The following ARHGEF1 variants were observed in gnomAD, a reference collection of about 807,000 sequenced individuals.
ARHGEF1 encodes the protein Rho guanine nucleotide exchange factor 1, also known as 115 kDa guanine nucleotide exchange factor.
A neutral mutation model predicts 119.7 loss-of-function variants in ARHGEF1; 40 were observed. The ratio of observed to expected loss-of-function variants is 0.33; its 90% CI spans 0.26 to 0.44. The LOEUF (loss-of-function observed/expected upper bound fraction) is 0.44. ARHGEF1 is among the 20% of genes least tolerant of loss of function. The pLI is 1.00. For missense variants in ARHGEF1, 976 were observed against 1,268.3 expected (o/e 0.77, Z 3.50); for synonymous variants, 494 against 521.0 (o/e 0.95, Z 0.71).
At position 41,906,101 on chromosome 19, in the gene ARHGEF1, A is replaced by AC. The variant is rs1364978065; in HGVS notation, c.2491+77dup. Reference sequence around the variant, plus strand: ...TGTTCCAACTAGAACAAGGCTCTCCACGTCAAAAATTTCCTTACGCCCAGC... The same window carrying AC: ...TGTTCCAACTAGAACAAGGCTCTCCACCGTCAAAAATTTCCTTACGCCCAGC... On this transcript the variant is annotated intron_variant, in intron 26 of 28. Transcript: ENST00000354532. This position sits in a 1 kb window ranked among gnomAD's most constrained non-coding sequence, Gnocchi z 4.5. 20 of 1,419,116 alleles carry AC rather than the reference A, an allele frequency of 1.4e-5. No homozygotes were observed. Among genetic ancestry groups the AC allele is most frequent in the Non-Finnish European group, 2.0e-5 (20 of 1,016,910 alleles). The allele number at this position is 1,419,116 out of a possible 1,614,324, so 87.9% of individuals were successfully genotyped here.
chr19:41,926,226 C>T (rs1425850881), intron 1 of ARHGEF1, among the ~76,000 whole-genome samples: 7 of 151,268 alleles, frequency 4.6e-5, no homozygotes, highest in South Asian at 2.1e-4. Flanking sequence ...GTATGCTCCC[C>T]GAGAGACCAG....
chr19:41,920,713 GCA>G (rs2074837068), upstream of ARHGEF1, among the ~76,000 whole-genome samples: 2 of 152,164 alleles, frequency 1.3e-5, no homozygotes, highest in African/African-American at 2.4e-5. Context: ...GTGCACATGC[GCA>G]CACACACACT....
At chr19:41,914,969 C>CCTCCTCTTCCACTATCTCTGTCTCTGTCT (rs1568832608) in intron 18 of ARHGEF1, among the ~76,000 whole-genome samples, 1 of 78,326 alleles carries the variant, frequency 1.3e-5, no homozygotes, top group Non-Finnish European at 2.2e-5. Context: ...TCTGTCTCTC[C>CCTCCTCTTCCACTATCTCTGTCTCTGTCT]CTCCCTCCCC....
Position 41,898,543 on chromosome 19 carries a change from A to G in ARHGEF1, c.1223A>G (p.His408Arg). The change falls in exon 14 of 29, where the codon CAC becomes CGC. Residue 408 changes from histidine (H) to arginine (R), a missense_variant. Physicochemically the swap from His to Arg is conservative, Grantham distance 29 (BLOSUM62 0). Coordinates refer to ENST00000354532, the MANE Select transcript of ARHGEF1 (RefSeq NM_004706.4). ...GAACTCGTCCCCCCAGACACCCTGC[A>G]CAGCCTGCCCAAGAGCCAGGTGAAG... is the stretch of plus-strand genomic sequence containing the variant. ...WRELVPPDTL[H>R]SLPKSQVKRQ... is the part of the protein sequence containing the mutation. 6.4e-7 allele frequency: 1 copy of G among 1,574,390 alleles called. No individual in the cohort carries two copies. Among genetic ancestry groups the G allele is most frequent in the Non-Finnish European group, 8.6e-7 (1 of 1,160,378 alleles).
At chr19:41,909,666 C>T (rs2074741472), downstream of ARHGEF1, among the ~76,000 whole-genome samples, 1 of 152,118 alleles carries the variant, frequency 6.6e-6, no homozygotes, top group African/African-American at 2.4e-5. This position sits in a 1 kb window ranked among gnomAD's most constrained non-coding sequence, Gnocchi z 5.2. Context: ...CCCTGCCCTG[C>T]AAGACTCCAA....
In ARHGEF1 at chr19:41,905,750, C is replaced by T; in HGVS notation, c.2337-10C>T. On this transcript the variant is annotated splice_polypyrimidine_tract_variant and intron_variant, in intron 24 of 28. Coordinates refer to ENST00000354532, the MANE Select transcript of ARHGEF1 (RefSeq NM_004706.4). The surrounding 1 kb of genome is among the most constrained non-coding windows in gnomAD (Gnocchi z 6.4). ...GGGGTGTGGGGTCACCCAGCACTTCCTCCCCTCAGCACCCGAGAACCCCTC... is the reference window on the plus strand; with the variant it reads ...GGGGTGTGGGGTCACCCAGCACTTCTTCCCCTCAGCACCCGAGAACCCCTC... 1.2e-6 allele frequency: 2 copies of T among 1,613,916 alleles called. No individual in the cohort carries two copies. Among genetic ancestry groups the T allele is most frequent in the South Asian group, 2.2e-5 (2 of 91,082 alleles).
rs2074388037 is a variant in ARHGEF1 at position 41,892,228 on chromosome 19, C to T, written c.325-103C>T. On this transcript the variant is annotated intron_variant, in intron 5 of 28. Coordinates refer to ENST00000354532, the MANE Select transcript of ARHGEF1 (RefSeq NM_004706.4). The surrounding 1 kb of genome is among the most constrained non-coding windows in gnomAD (Gnocchi z 6.3). The stretch of plus-strand genomic sequence containing the variant: ...CCTGAGGGCAGCTGCTGACCCAGGC[C>T]TTCCCCAGCACCCTCGCTTAGACCA... 1 of 1,571,316 alleles carries T rather than the reference C, an allele frequency of 6.4e-7. No homozygotes were observed. Among genetic ancestry groups the T allele is most frequent in the Admixed American group, 1.7e-5 (1 of 59,240 alleles).
chr19:41,916,961 G>T lies in ARHGEF1; in HGVS notation c.1866-6131G>T, dbSNP rs1555852011. Among the ~76,000 whole-genome samples the T allele has an allele frequency of 6.6e-6, 1 of 152,078 alleles. No homozygotes were observed. The highest frequency in any genetic ancestry group is 2.4e-5 in the African/African-American group (1 of 41,398). ...ACTCCTGCTCCCACCATCCCCATCT[G>T]TCTGCCTGTCCCTCCATCTGTGAAC... On this transcript the variant is annotated intron_variant, in intron 18 of 20. Transcript: ENST00000599589. The surrounding 1 kb of genome is among the most constrained non-coding windows in gnomAD (Gnocchi z 5.4).
chr19:41,886,496 G>T (rs1194788042), intron 1 of ARHGEF1, among the ~76,000 whole-genome samples: 1 of 152,012 alleles, frequency 6.6e-6, no homozygotes, highest in Non-Finnish European at 1.5e-5. Flanking sequence ...CCCCAGGCTG[G>T]TCTCAAACTC....
rs1293534862 is a variant in ARHGEF1 at position 41,896,710 on chromosome 19, T to C, written c.1121+228T>C. 4 of 682,192 alleles carry C rather than the reference T, an allele frequency of 5.9e-6. No homozygotes were observed. The Admixed American group carries it at 8.1e-5, about 14-fold the overall frequency. 42.3% of individuals were successfully genotyped at this position (682,192 alleles called of 1,614,324 possible). ...CTTTTATCCTTCCTTTTTCCTCTGCTCCTTCCTCTCCTTCCTTTTTTCACT... is the reference window on the plus strand; with the variant it reads ...CTTTTATCCTTCCTTTTTCCTCTGCCCCTTCCTCTCCTTCCTTTTTTCACT... On this transcript the variant is annotated intron_variant, in intron 13 of 28. Coordinates refer to ENST00000354532, the MANE Select transcript of ARHGEF1 (RefSeq NM_004706.4).
chr19:41,906,257 A>G lies in ARHGEF1; in HGVS notation c.2492-200A>G. ...TCTTCCTGAACACATCTCTGTCTTC[A>G]GTACCTTCCTGCCCTGTCCCAACCC... On this transcript the variant is annotated intron_variant, in intron 26 of 28. Transcript: ENST00000354532. This position sits in a 1 kb window ranked among gnomAD's most constrained non-coding sequence, Gnocchi z 4.5. 1.5e-6 allele frequency: 1 copy of G among 663,346 alleles called. No individual in the cohort carries two copies. Among genetic ancestry groups the G allele is most frequent in the Admixed American group, 2.9e-5 (1 of 34,604 alleles). The allele number at this position is 663,346 out of a possible 1,614,324, so 41.1% of individuals were successfully genotyped here.
chr19:41,916,301 C>T lies in ARHGEF1; in HGVS notation c.1866-6791C>T, dbSNP rs1053752359. 6.6e-5 allele frequency among the ~76,000 whole-genome samples: 10 copies of T among 151,792 alleles called. No individual in the cohort carries two copies. On this transcript the variant is annotated intron_variant, in intron 18 of 20. Transcript: ENST00000599589. This position sits in a 1 kb window ranked among gnomAD's most constrained non-coding sequence, Gnocchi z 5.4. ...GTCAACAAAGTCACACACAGCACCA[C>T]GTCCCACACAACACATCACACACAC...
chr19:41,920,565 C>T (rs1331929571), upstream of ARHGEF1, among the ~76,000 whole-genome samples: 1 of 152,060 alleles, frequency 6.6e-6, no homozygotes, highest in Non-Finnish European at 1.5e-5. Flanking sequence ...AGATGTTACG[C>T]ACTCACAGAC....
upstream of ARHGEF1, among the ~76,000 whole-genome samples, chr19:41,920,423 ACTCACAGACATGACACG>A (rs1400162851): frequency 1.5e-5 from 2 of 133,348 alleles, no homozygotes; most frequent in Non-Finnish European, 3.2e-5. Flanking sequence ...GACATGACAC[ACTCACAGACATGACACG>A]CTCACAGACA....
rs113784077 is a variant in ARHGEF1, at chr19:41,915,404, G to A, written c.1866-7688G>A. Among the ~76,000 whole-genome samples the A allele has an allele frequency of 2.3e-3, 353 of 151,570 alleles. 1 individual carries two copies. The highest frequency in any genetic ancestry group is 6.8e-3 in the Middle Eastern group (2 of 294). The stretch of plus-strand genomic sequence containing the variant: ...CGCCTCTGCCGCCCTGTCCCCGTCC[G>A]TCTGTCCGTCCCTCCCATCTCTGGG... On this transcript the variant is annotated intron_variant, in intron 18 of 20. Coordinates refer to the ARHGEF1 transcript ENST00000599589.
At chr19:41,922,719 G>T (rs1219546924), upstream of ARHGEF1, among the ~76,000 whole-genome samples, 1 of 152,178 alleles carries the variant, frequency 6.6e-6, no homozygotes, top group African/African-American at 2.4e-5. Context: ...CACAAGGGCC[G>T]GGGTCCAGCC....
At position 41,904,826 on chromosome 19, in the gene ARHGEF1, G is replaced by A; in HGVS notation, c.2162-123G>A. ...TGGATATTAGCAGACAGTGAGTGGT[G>A]AGTTGAGCCATGGGAGCCCTGAGAG... On this transcript the variant is annotated intron_variant, in intron 22 of 28. Transcript: ENST00000354532. This position sits in a 1 kb window ranked among gnomAD's most constrained non-coding sequence, Gnocchi z 8.4. 1.3e-6 allele frequency: 1 copy of A among 767,720 alleles called. No individual in the cohort carries two copies. The highest frequency in any genetic ancestry group is 2.2e-6 in the Non-Finnish European group (1 of 444,676). 47.6% of individuals were successfully genotyped at this position (767,720 alleles called of 1,614,324 possible). A position where few individuals can be genotyped will look rare whatever the true frequency, so the allele number is the denominator to read the frequency against.
At position 41,907,379 on chromosome 19, in the gene ARHGEF1, C is replaced by T; in HGVS notation, c.*292C>T. ...TGTGGGGGCCACCCCTCCACCCCCACCCCCAAGTGCCTTCGCTCTGTTTTT... is the reference window on the plus strand; with the variant it reads ...TGTGGGGGCCACCCCTCCACCCCCATCCCCAAGTGCCTTCGCTCTGTTTTT... On this transcript the variant is annotated 3_prime_UTR_variant, in exon 29 of 29. Coordinates refer to ENST00000354532, the MANE Select transcript of ARHGEF1 (RefSeq NM_004706.4). 1 of 1,535,284 alleles carries T rather than the reference C, an allele frequency of 6.5e-7. No individual in the cohort carries two copies. The highest frequency in any genetic ancestry group is 1.2e-5 in the South Asian group (1 of 83,978).
Position 41,902,210 on chromosome 19 carries a change from C to A in ARHGEF1, c.1415-64C>A, listed in dbSNP as rs2074615418. On this transcript the variant is annotated intron_variant, in intron 15 of 28. Coordinates refer to ENST00000354532, the MANE Select transcript of ARHGEF1 (RefSeq NM_004706.4). The surrounding 1 kb of genome is among the most constrained non-coding windows in gnomAD (Gnocchi z 6.5). ...CTGCAGCCCTACCCCCACCACACCG[C>A]AGCAGGCCCCGCACAGCATCTTCCA... The A allele has an allele frequency of 2.5e-6, 4 of 1,598,090 alleles. No individual in the cohort carries two copies. Among genetic ancestry groups the A allele is most frequent in the Non-Finnish European group, 3.4e-6 (4 of 1,167,620 alleles).
Sources: allele counts gnomAD v4.1 joint callset (sites outside exome capture counted in the v4.1 genomes callset), GRCh38; gene constraint gnomAD v4.1.1; non-coding constraint Gnocchi (gnomAD v3.1); transcripts MANE v1.5; gene names NCBI Gene and HGNC (gene_info 2026-07-23, HGNC 2026-07-21).